The following GRM5 variants were observed in gnomAD, a reference collection of about 807,000 sequenced individuals.
GRM5 encodes the protein glutamate metabotropic receptor 5.
GRM5 carries 19 observed loss-of-function variants against 83.1 expected under a neutral mutation model. That is an observed-to-expected ratio of 0.23 (90% confidence interval 0.16 to 0.34). GRM5 has a LOEUF of 0.34. Ranked by LOEUF, GRM5 falls within the 10% of genes least tolerant of loss-of-function variation. GRM5 has a pLI of 1.00. For synonymous variants in GRM5, 675 were observed against 633.6 expected (o/e 1.07, Z -0.98); for missense variants, 1,160 against 1,588.3 (o/e 0.73, Z 4.58).
chr11:88,542,897 C>T (rs534503714), intron 8 of GRM5, among the ~76,000 whole-genome samples: 148 of 152,116 alleles, frequency 9.7e-4, no homozygotes, highest in African/African-American at 3.4e-3. Flanking sequence ...GGTGAAACCC[C>T]GTCTCTACTA....
intron 1 of GRM5, among the ~76,000 whole-genome samples, chr11:89,049,555 CA>C (rs1186012879): frequency 6.6e-6 from 1 of 152,176 alleles, no homozygotes; most frequent in Non-Finnish European, 1.5e-5. Context: ...ATCAAATCTA[CA>C]AAAAGTTAAG....
chr11:88,723,465 A>G (rs1941596334), intron 3 of GRM5, among the ~76,000 whole-genome samples: 1 of 152,126 alleles, frequency 6.6e-6, no homozygotes, highest in South Asian at 2.1e-4. Context: ...GTTCGTTTGT[A>G]TTCCAAAGTG....
intron 3 of GRM5, among the ~76,000 whole-genome samples, chr11:88,711,190 C>T (rs1941272634): frequency 6.6e-6 from 1 of 152,030 alleles, no homozygotes. Context: ...AGGGCTCTGA[C>T]AGCAGAGTTT....
intron 3 of GRM5, among the ~76,000 whole-genome samples, chr11:88,695,863 C>T (rs1483517668): frequency 6.6e-6 from 1 of 152,072 alleles, no homozygotes; most frequent in African/African-American, 2.4e-5. Flanking sequence ...GGGCTCCCAC[C>T]CCATCGGCGT....
At chr11:88,531,163 G>C (rs1006089578) in intron 8 of GRM5, among the ~76,000 whole-genome samples, 1 of 152,136 alleles carries the variant, frequency 6.6e-6, no homozygotes, top group East Asian at 1.9e-4. Context: ...AAGCAGCGTT[G>C]AGTTGCTGAC....
rs561432430 is a variant in GRM5, at chr11:88,567,040, C to T, written c.2630+13G>A. The T allele has an allele frequency of 3.2e-6, 5 of 1,556,616 alleles. No homozygotes were observed. Among genetic ancestry groups the T allele is most frequent in the African/African-American group, 2.7e-5 (2 of 73,528 alleles). ...TAGGGGCCAGCATCCCTGTAAGCCCCCACAACTTTTACCTTAAGGTTTCCC... is the reference window on the plus strand; with the variant it reads ...TAGGGGCCAGCATCCCTGTAAGCCCTCACAACTTTTACCTTAAGGTTTCCC... On this transcript the variant is annotated intron_variant, in intron 8 of 9. Coordinates refer to ENST00000305447, the MANE Select transcript of GRM5 (RefSeq NM_001143831.3). This position sits in a 1 kb window ranked among gnomAD's most constrained non-coding sequence, Gnocchi z 7.3.
intron 7 of GRM5, among the ~76,000 whole-genome samples, chr11:88,589,132 GA>G (rs1302645480): frequency 2.0e-5 from 3 of 151,054 alleles, no homozygotes; most frequent in Non-Finnish European, 2.9e-5. Flanking sequence ...TTTAAAATTA[GA>G]AAAACATGTA....
At chr11:88,866,152 C>T (rs1416612296) in intron 2 of GRM5, among the ~76,000 whole-genome samples, 2 of 152,028 alleles carry the variant, frequency 1.3e-5, no homozygotes, top group Admixed American at 6.6e-5. Context: ...TGGAACCAAT[C>T]CAAATGTCCA....
At chr11:88,521,060 G>T (rs564695814) in intron 9 of GRM5, among the ~76,000 whole-genome samples, 223 of 152,248 alleles carry the variant, frequency 1.5e-3, no homozygotes, top group Middle Eastern at 3.4e-3. Flanking sequence ...CTTCCTCAAA[G>T]AGAGACTAGG....
At chr11:89,041,186 C>T (rs1054746892) in intron 2 of GRM5, among the ~76,000 whole-genome samples, 3 of 152,204 alleles carry the variant, frequency 2.0e-5, no homozygotes, top group African/African-American at 7.2e-5. Flanking sequence ...AGGCTACATC[C>T]TAAGAGATGA....
chr11:88,752,884 T>C (rs1942310059), intron 3 of GRM5, among the ~76,000 whole-genome samples: 1 of 152,124 alleles, frequency 6.6e-6, no homozygotes. Context: ...TAAATGGTGC[T>C]CAAAGAACAG....
chr11:88,894,664 C>T (rs1440827000), intron 2 of GRM5, among the ~76,000 whole-genome samples: 3 of 19,452 alleles, frequency 1.5e-4, no homozygotes, highest in African/African-American at 3.8e-4. Flanking sequence ...TTGTTTGTTC[C>T]TATTCCTGTT....
intron 2 of GRM5, among the ~76,000 whole-genome samples, chr11:89,003,184 A>G (rs1259647359): frequency 2.0e-5 from 3 of 152,188 alleles, no homozygotes; most frequent in African/African-American, 7.2e-5. Flanking sequence ...AATCAACTAC[A>G]TGCTACACAA....
intron 2 of GRM5, among the ~76,000 whole-genome samples, chr11:89,019,274 G>C (rs1591052777): frequency 6.6e-6 from 1 of 151,970 alleles, no homozygotes; most frequent in African/African-American, 2.4e-5. Context: ...TCATATTGAG[G>C]GTATGTGCTG....
chr11:88,943,608 C>A lies in GRM5; in HGVS notation c.662-93453G>T, dbSNP rs146102457. ...AAGTTAATGATGTACACCAAGCTCCCAAGTGGGAACTCTTGATGCCTTGTA... is the reference window on the plus strand; with the variant it reads ...AAGTTAATGATGTACACCAAGCTCCAAAGTGGGAACTCTTGATGCCTTGTA... On this transcript the variant is annotated intron_variant, in intron 2 of 9. Coordinates refer to ENST00000305447, the MANE Select transcript of GRM5 (RefSeq NM_001143831.3). Among the ~76,000 whole-genome samples, 853 of 152,168 alleles carry A rather than the reference C, an allele frequency of 5.6e-3. 8 individuals are homozygous for A. The highest frequency in any genetic ancestry group is 0.02 in the African/African-American group (819 of 41,550).
intron 3 of GRM5, among the ~76,000 whole-genome samples, chr11:88,685,237 T>A (rs1591438965): frequency 2.0e-5 from 3 of 152,172 alleles, no homozygotes; most frequent in Admixed American, 2.0e-4. Context: ...TGACTCTTGT[T>A]ATGTTTTAGC....
At chr11:88,697,903 T>A (rs1186007992) in intron 3 of GRM5, among the ~76,000 whole-genome samples, 1 of 152,126 alleles carries the variant, frequency 6.6e-6, no homozygotes, top group Non-Finnish European at 1.5e-5. Flanking sequence ...ACCCAGAGAG[T>A]CATACTGGAC....
chr11:88,955,727 T>G (rs1486110233), intron 2 of GRM5, among the ~76,000 whole-genome samples: 3 of 152,202 alleles, frequency 2.0e-5, no homozygotes, highest in African/African-American at 4.8e-5. Context: ...CTTGTCCACC[T>G]ACTAAACCTT....
intron 3 of GRM5, among the ~76,000 whole-genome samples, chr11:88,668,538 A>C (rs1591427598): frequency 6.6e-6 from 1 of 152,244 alleles, no homozygotes; most frequent in East Asian, 1.9e-4. Context: ...TATAAATATC[A>C]ATGAAAAATC....
Sources: gnomAD v4.1 joint callset for allele counts (sites outside exome capture counted in the v4.1 genomes callset) on GRCh38, gnomAD v4.1.1 for gene constraint, Gnocchi (gnomAD v3.1) non-coding constraint, MANE v1.5 for transcripts, NCBI Gene and HGNC (gene_info 2026-07-23, HGNC 2026-07-21) for gene names.